CELF4: variants seen among roughly 807,000 people sequenced by gnomAD.
CELF4 encodes CUGBP Elav-like family member 4, also known as CUG-BP- and ETR-3-like factor 4.
A neutral mutation model predicts 59.9 loss-of-function variants in CELF4; 18 were observed. The ratio of observed to expected loss-of-function variants is 0.30; its 90% CI spans 0.21 to 0.45. CELF4 has a LOEUF of 0.45. Ranked by LOEUF, CELF4 falls within the 20% of genes least tolerant of loss-of-function variation. The probability of loss-of-function intolerance (pLI) is 1.00; values close to 1 mark genes in which losing one functional copy is unlikely to be tolerated. For synonymous variants in CELF4, 261 were observed against 267.1 expected (o/e 0.98, Z 0.22); for missense variants, 456 against 689.0 (o/e 0.66, Z 3.79).
At chr18:37,316,141 G>A (rs1050237174) in intron 3 of CELF4, among the ~76,000 whole-genome samples, 13 of 152,122 alleles carry the variant, frequency 8.5e-5, no homozygotes, top group African/African-American at 2.7e-4. Context: ...GGGTCTTGGG[G>A]TGGGGTGTGT....
At chr18:37,309,538 G>A (rs866962254) in intron 3 of CELF4, among the ~76,000 whole-genome samples, 19 of 152,260 alleles carry the variant, frequency 1.2e-4, no homozygotes, top group Admixed American at 8.5e-4. Flanking sequence ...TAGGGAAAAA[G>A]CAGATCCCGC....
intron 2 of CELF4, among the ~76,000 whole-genome samples, chr18:37,331,815 T>A (rs1253302143): frequency 6.7e-6 from 1 of 150,348 alleles, no homozygotes; most frequent in Non-Finnish European, 1.5e-5. Flanking sequence ...CAGTGGGGTG[T>A]GAAAGGGTGT....
chr18:37,557,505 C>T (rs1443133018), intron 1 of CELF4, among the ~76,000 whole-genome samples: 17 of 152,176 alleles, frequency 1.1e-4, no homozygotes, highest in Admixed American at 1.1e-3. Context: ...GCCTTGCTGG[C>T]CAGCTGTGGA....
intron 1 of CELF4, among the ~76,000 whole-genome samples, chr18:37,554,942 T>C (rs550108474): frequency 6.6e-6 from 1 of 152,274 alleles, no homozygotes; most frequent in South Asian, 2.1e-4. Flanking sequence ...CAGTGAGAAA[T>C]GGCTTTCTGA....
At chr18:37,408,051 C>T (rs531039859) in intron 2 of CELF4, among the ~76,000 whole-genome samples, 4 of 152,278 alleles carry the variant, frequency 2.6e-5, no homozygotes, top group East Asian at 1.9e-4. Context: ...TGAGGAGAAG[C>T]GGCTGGGATG....
At chr18:37,311,723 A>G (rs1351168877) in intron 3 of CELF4, among the ~76,000 whole-genome samples, 2 of 143,764 alleles carry the variant, frequency 1.4e-5, no homozygotes, top group African/African-American at 5.2e-5. Context: ...CGGGAGGCGG[A>G]GGTTGCAGTG....
intron 2 of CELF4, among the ~76,000 whole-genome samples, chr18:37,383,758 G>T (rs1364232909): frequency 1.3e-5 from 2 of 152,222 alleles, no homozygotes; most frequent in African/African-American, 2.4e-5. Context: ...CCAAAGGGGT[G>T]CTGTGTCTTG....
chr18:37,398,332 A>G (rs918870409), intron 2 of CELF4, among the ~76,000 whole-genome samples: 4 of 152,180 alleles, frequency 2.6e-5, no homozygotes, highest in African/African-American at 9.7e-5. Context: ...CTGGGAGGGT[A>G]GGTTTCGGGA....
intron 2 of CELF4, among the ~76,000 whole-genome samples, chr18:37,456,384 G>C (rs2099778356): frequency 6.6e-6 from 1 of 152,126 alleles, no homozygotes; most frequent in Non-Finnish European, 1.5e-5. Context: ...CCAGGACTCT[G>C]CCTGCCCTAT....
intron 2 of CELF4, among the ~76,000 whole-genome samples, chr18:37,349,183 C>G (rs536118840): frequency 3.9e-5 from 6 of 152,324 alleles, no homozygotes; most frequent in African/African-American, 9.6e-5. Flanking sequence ...TCAGAGATAG[C>G]GCAGGCGGTT....
intron 1 of CELF4, among the ~76,000 whole-genome samples, chr18:37,511,209 C>T (rs2099943935): frequency 6.6e-6 from 1 of 152,204 alleles, no homozygotes; most frequent in Non-Finnish European, 1.5e-5. Context: ...TAGTTACTCA[C>T]TCACCCATCC....
At chr18:37,525,084 A>G (rs2099962319) in intron 1 of CELF4, among the ~76,000 whole-genome samples, 1 of 151,966 alleles carries the variant, frequency 6.6e-6, no homozygotes, top group Non-Finnish European at 1.5e-5. Flanking sequence ...CCCTTCTGGT[A>G]TCCCTTTTTG....
At chr18:37,542,326 G>A (rs1229268988) in intron 1 of CELF4, among the ~76,000 whole-genome samples, 2 of 152,250 alleles carry the variant, frequency 1.3e-5, no homozygotes, top group Non-Finnish European at 2.9e-5. Context: ...TCGTTATTGA[G>A]TGCTCGCTGT....
intron 2 of CELF4, among the ~76,000 whole-genome samples, chr18:37,352,865 T>TTCTGAA (rs2098470122): frequency 1.3e-5 from 2 of 151,652 alleles, no homozygotes; most frequent in East Asian, 3.9e-4. Flanking sequence ...AGGTGCAGAG[T>TTCTGAA]GGGACGGGGT....
intron 2 of CELF4, among the ~76,000 whole-genome samples, chr18:37,442,587 C>T (rs1308923621): frequency 1.3e-5 from 2 of 152,152 alleles, no homozygotes; most frequent in African/African-American, 4.8e-5. Context: ...CCAAACAGCA[C>T]AGCGAGCCCA....
chr18:37,403,680 G>A (rs112329224), intron 2 of CELF4, among the ~76,000 whole-genome samples: 1 of 152,316 alleles, frequency 6.6e-6, no homozygotes, highest in East Asian at 1.9e-4. Flanking sequence ...GCAGGACAGC[G>A]CAGGTGTGTG....
At chr18:37,485,795 C>T in intron 1 of CELF4, 188 bp from the exon 2 acceptor site, 1 of 385,188 alleles carries the variant, frequency 2.6e-6, no homozygotes. Flanking sequence ...GTCTGCCTCT[C>T]GTACCTCCCT....
intron 10 of CELF4, among the ~76,000 whole-genome samples, chr18:37,263,920 G>A (rs1169565023): frequency 6.6e-6 from 1 of 152,082 alleles, no homozygotes; most frequent in African/African-American, 2.4e-5. Context: ...TCAGCCATGA[G>A]CACTCCTACT....
chr18:37,304,410 G>C (rs561974696), intron 3 of CELF4, among the ~76,000 whole-genome samples: 39 of 152,132 alleles, frequency 2.6e-4, no homozygotes, highest in Admixed American at 1.9e-3. Flanking sequence ...AGAGGGCAGT[G>C]AGGAAGGGAT....
Sources: allele counts gnomAD v4.1 joint callset (sites outside exome capture counted in the v4.1 genomes callset), GRCh38; gene constraint gnomAD v4.1.1; transcripts MANE v1.5; gene names NCBI Gene and HGNC (gene_info 2026-07-23, HGNC 2026-07-21).